Variants in DLC1 observed in about 807,000 individuals in gnomAD.
The protein encoded by DLC1 is DLC1 Rho GTPase activating protein.
In DLC1, 54 loss-of-function variants were observed where a neutral mutation model predicts 140.3. The ratio of observed to expected loss-of-function variants is 0.38; its 90% CI spans 0.31 to 0.48. DLC1 has a LOEUF of 0.48. DLC1 is among the 20% of genes least tolerant of loss of function. The pLI, the probability that DLC1 is intolerant of heterozygous loss-of-function variation, is 0.96. For missense variants in DLC1, 2,536 were observed against 1,907.0 expected (o/e 1.33, Z -6.14); for synonymous variants, 986 against 728.1 (o/e 1.35, Z -5.70).
intron 1 of DLC1, among the ~76,000 whole-genome samples, chr8:13,521,397 G>C (rs1802760970): frequency 6.8e-6 from 1 of 147,762 alleles, no homozygotes; most frequent in South Asian, 2.1e-4. Context: ...ATGTATCCCA[G>C]AACTTAAAAT....
intron 4 of DLC1, among the ~76,000 whole-genome samples, chr8:13,354,121 C>T (rs6995689): frequency 0.31 from 47,107 of 151,336 alleles, 7,707 homozygotes; most frequent in Non-Finnish European, 0.34. Context: ...TGCCCCATGT[C>T]TTTGCTTGGC....
At chr8:13,577,133 A>C (rs757893350) in intron 1 of DLC1, among the ~76,000 whole-genome samples, 1 of 152,132 alleles carries the variant, frequency 6.6e-6, no homozygotes, top group African/African-American at 2.4e-5. Flanking sequence ...AACAGTCCAA[A>C]CTGGGCTGTT....
At chr8:13,433,293 G>T (rs776255404) in intron 2 of DLC1, among the ~76,000 whole-genome samples, 1 of 152,082 alleles carries the variant, frequency 6.6e-6, no homozygotes, top group Non-Finnish European at 1.5e-5. Context: ...AATGTGTAAG[G>T]GTGTTCTGGG....
intron 8 of DLC1, among the ~76,000 whole-genome samples, chr8:13,101,148 C>T (rs1185787887): frequency 1.3e-5 from 2 of 152,106 alleles, no homozygotes; most frequent in Non-Finnish European, 2.9e-5. Context: ...TGGCCTCAAG[C>T]GATCCTCCCA....
intron 1 of DLC1, among the ~76,000 whole-genome samples, chr8:13,503,921 A>C (rs1801933325): frequency 6.6e-6 from 1 of 152,120 alleles, no homozygotes; most frequent in African/African-American, 2.4e-5. Flanking sequence ...CAGAACGTTC[A>C]AGTCAAATGG....
intron 5 of DLC1, among the ~76,000 whole-genome samples, chr8:13,216,808 G>A (rs528970098): frequency 1.3e-5 from 2 of 152,076 alleles, no homozygotes; most frequent in Non-Finnish European, 1.5e-5. Flanking sequence ...CCCCAGCTGT[G>A]ATAATCAAAA....
At chr8:13,416,740 A>G (rs1838080717) in intron 2 of DLC1, among the ~76,000 whole-genome samples, 1 of 152,190 alleles carries the variant, frequency 6.6e-6, no homozygotes, top group African/African-American at 2.4e-5. Flanking sequence ...TGATTAGAAC[A>G]ATTAATTACT....
chr8:13,166,125 AC>A (rs752336442), intron 5 of DLC1, among the ~76,000 whole-genome samples: 1 of 152,086 alleles, frequency 6.6e-6, no homozygotes, highest in Non-Finnish European at 1.5e-5. Flanking sequence ...ATCCCCGTTC[AC>A]AGGCTCAGAA....
At chr8:13,329,307 A>T (rs186071559) in intron 4 of DLC1, among the ~76,000 whole-genome samples, 2 of 152,284 alleles carry the variant, frequency 1.3e-5, no homozygotes, top group African/African-American at 2.4e-5. Context: ...CAAGACATAC[A>T]TTCATAGAAA....
At chr8:13,298,184 A>G (rs1832040274) in intron 5 of DLC1, among the ~76,000 whole-genome samples, 1 of 152,166 alleles carries the variant, frequency 6.6e-6, no homozygotes, top group Non-Finnish European at 1.5e-5. Context: ...GATTTTTAAC[A>G]TTTTATGGCC....
At chr8:13,109,825 C>T (rs1164372478) in intron 7 of DLC1, among the ~76,000 whole-genome samples, 1 of 151,874 alleles carries the variant, frequency 6.6e-6, no homozygotes, top group Non-Finnish European at 1.5e-5. Flanking sequence ...GCGGAGGTTG[C>T]AGTGAGCCGA....
intron 5 of DLC1, among the ~76,000 whole-genome samples, chr8:13,222,462 ATAT>A (rs1160966996): frequency 2.0e-5 from 3 of 152,046 alleles, no homozygotes; most frequent in African/African-American, 7.2e-5. Flanking sequence ...GCTAAGTAAC[ATAT>A]TATGTTTTTT....
rs140469163 is a variant in DLC1, at chr8:13,171,319, A to T, written c.1349-55662T>A. ...ATTCTCAACTCATATGATTAAAAAA[A>T]ATTCTAATAGACACAGAGTCACTAG... is the stretch of plus-strand genomic sequence containing the variant. On this transcript the variant is annotated intron_variant, in intron 5 of 17. Coordinates refer to ENST00000276297, the MANE Select transcript of DLC1 (RefSeq NM_182643.3). Among the ~76,000 whole-genome samples the T allele has an allele frequency of 2.4e-3, 358 of 152,334 alleles. 7 individuals are homozygous for T. The highest frequency in any genetic ancestry group is 4.2e-3 in the East Asian group (22 of 5,178).
chr8:13,258,994 G>A (rs1199822246), intron 5 of DLC1, among the ~76,000 whole-genome samples: 1 of 151,846 alleles, frequency 6.6e-6, no homozygotes, highest in Non-Finnish European at 1.5e-5. Context: ...AAAATTAGCC[G>A]TGCGTGGTGG....
At chr8:13,101,417 G>C (rs1333453365) in intron 8 of DLC1, among the ~76,000 whole-genome samples, 1 of 152,212 alleles carries the variant, frequency 6.6e-6, no homozygotes, top group Non-Finnish European at 1.5e-5. Context: ...CAATGAGCAG[G>C]ACTGCCTCTG....
intron 5 of DLC1, among the ~76,000 whole-genome samples, chr8:13,189,541 A>G (rs1192219026): frequency 2.6e-5 from 4 of 152,148 alleles, no homozygotes; most frequent in African/African-American, 4.8e-5. Context: ...GTAATCAAGT[A>G]AAAATGTATT....
intron 4 of DLC1, among the ~76,000 whole-genome samples, chr8:13,307,356 T>C (rs1393655868): frequency 6.6e-6 from 1 of 152,232 alleles, no homozygotes; most frequent in African/African-American, 2.4e-5. Flanking sequence ...TAAGAAGTCA[T>C]CTGACTTTTC....
At chr8:13,312,282 A>T (rs1346010599) in intron 4 of DLC1, among the ~76,000 whole-genome samples, 1 of 112,740 alleles carries the variant, frequency 8.9e-6, no homozygotes, top group African/African-American at 3.4e-5. Context: ...AATGGCGTGA[A>T]CCCGGGAGGC....
chr8:13,148,274 C>T (rs1319989107), intron 5 of DLC1, among the ~76,000 whole-genome samples: 2 of 152,160 alleles, frequency 1.3e-5, no homozygotes, highest in African/African-American at 4.8e-5. Context: ...TTCTGCTCCT[C>T]TCCCTCCTCC....
Sources: gnomAD v4.1 joint callset for allele counts (sites outside exome capture counted in the v4.1 genomes callset) on GRCh38, gnomAD v4.1.1 for gene constraint, MANE v1.5 for transcripts, NCBI Gene and HGNC (gene_info 2026-07-23, HGNC 2026-07-21) for gene names.